Variants in GRIK2 observed in about 807,000 individuals in gnomAD.
The protein encoded by GRIK2 is glutamate receptor ionotropic, kainate 2.
Under a neutral mutation model 100.3 loss-of-function variants are expected in GRIK2, and 32 were observed. That is an observed-to-expected ratio of 0.32 (90% CI 0.24 to 0.43). The LOEUF (loss-of-function observed/expected upper bound fraction) is 0.43. Among genes scored for constraint, GRIK2 ranks in the 20% least tolerant of loss-of-function variants. GRIK2 has a pLI of 1.00. For missense variants in GRIK2, 843 were observed against 1,114.9 expected (o/e 0.76, Z 3.47); for synonymous variants, 417 against 389.4 (o/e 1.07, Z -0.83).
At chr6:101,762,674 G>C (rs1358307432) in intron 7 of GRIK2, among the ~76,000 whole-genome samples, 4 of 152,182 alleles carry the variant, frequency 2.6e-5, no homozygotes, top group Admixed American at 2.6e-4. Flanking sequence ...TTTGATAAAT[G>C]ACTCTGTCTA....
intron 14 of GRIK2, among the ~76,000 whole-genome samples, chr6:101,985,045 T>C (rs541818052): frequency 6.6e-6 from 1 of 151,782 alleles, no homozygotes; most frequent in East Asian, 2.0e-4. Context: ...GGAAAACTTA[T>C]TGCTATAAAT....
intron 2 of GRIK2, among the ~76,000 whole-genome samples, chr6:101,486,758 A>T (rs1423507802): frequency 1.3e-5 from 2 of 148,340 alleles, no homozygotes; most frequent in Non-Finnish European, 3.0e-5. Flanking sequence ...TCAACTTGTA[A>T]TACTTGCACG....
rs1775520281 is a variant in GRIK2, at chr6:101,405,002, A to G, written c.115+5610A>G. On this transcript the variant is annotated intron_variant, in intron 2 of 16. Transcript: ENST00000369134. ...GTAATTAAATTGGCTGATTGAAGTC[A>G]CAGCGGTCATGGGGCGATAAAGACC... Among the ~76,000 whole-genome samples the G allele has an allele frequency of 2.0e-5, 3 of 152,310 alleles. No homozygotes were observed. In the South Asian group the frequency reaches 6.2e-4, roughly 32 times the overall value.
chr6:101,758,519 T>C (rs1777280190), intron 7 of GRIK2, among the ~76,000 whole-genome samples: 1 of 152,206 alleles, frequency 6.6e-6, no homozygotes, highest in South Asian at 2.1e-4. Flanking sequence ...TACTCCAATG[T>C]TGAAAGCAAA....
At chr6:101,429,484 A>C (rs1769252228) in intron 2 of GRIK2, among the ~76,000 whole-genome samples, 1 of 152,186 alleles carries the variant, frequency 6.6e-6, no homozygotes, top group Non-Finnish European at 1.5e-5. Context: ...ATCACAGACC[A>C]AGAATTATCT....
chr6:101,966,666 C>T (rs991306096), intron 14 of GRIK2, among the ~76,000 whole-genome samples: 3 of 151,956 alleles, frequency 2.0e-5, no homozygotes, highest in Non-Finnish European at 2.9e-5. Context: ...GGAAGAGGGA[C>T]GAATATTTGA....
At chr6:101,446,491 TTTTTATACACTAAG>T (rs1386082584) in intron 2 of GRIK2, among the ~76,000 whole-genome samples, 1 of 151,892 alleles carries the variant, frequency 6.6e-6, no homozygotes. Context: ...AGTGATAGTT[TTTTTATACACTAAG>T]TTTTATACAC....
intron 2 of GRIK2, among the ~76,000 whole-genome samples, chr6:101,462,159 G>A (rs771790006): frequency 2.6e-5 from 4 of 152,108 alleles, no homozygotes; most frequent in Non-Finnish European, 5.9e-5. Flanking sequence ...AGAATTATTA[G>A]GGCCTAACAC....
chr6:101,608,099 AT>A (rs34909242), intron 2 of GRIK2, among the ~76,000 whole-genome samples: 1 of 151,810 alleles, frequency 6.6e-6, no homozygotes, highest in Non-Finnish European at 1.5e-5. Flanking sequence ...TAATGTAGCA[AT>A]TTTTTTCAAT....
intron 2 of GRIK2, among the ~76,000 whole-genome samples, chr6:101,528,286 A>C (rs749748521): frequency 6.6e-6 from 1 of 152,178 alleles, no homozygotes; most frequent in Non-Finnish European, 1.5e-5. Flanking sequence ...TAGATTTTAG[A>C]AGTTATGTAT....
intron 2 of GRIK2, among the ~76,000 whole-genome samples, chr6:101,460,228 A>G (rs1013842568): frequency 5.3e-5 from 8 of 152,004 alleles, no homozygotes; most frequent in African/African-American, 1.9e-4. Context: ...TCACTCCTCA[A>G]ATCTCTCAAG....
intron 7 of GRIK2, among the ~76,000 whole-genome samples, chr6:101,792,168 C>T (rs1431123575): frequency 6.6e-6 from 1 of 151,222 alleles, no homozygotes; most frequent in African/African-American, 2.4e-5. Flanking sequence ...TCCAATTTGC[C>T]AGTCTGTGTC....
intron 7 of GRIK2, among the ~76,000 whole-genome samples, chr6:101,790,947 T>A (rs1477536038): frequency 6.6e-6 from 1 of 152,176 alleles, no homozygotes; most frequent in African/African-American, 2.4e-5. Context: ...AGGGTGTATA[T>A]GTCGAGGAAT....
chr6:101,942,155 A>C (rs1040101985), intron 14 of GRIK2, among the ~76,000 whole-genome samples: 1 of 152,100 alleles, frequency 6.6e-6, no homozygotes, highest in Non-Finnish European at 1.5e-5. Flanking sequence ...TTTTTCCTTG[A>C]TGTGATTTGG....
chr6:101,400,131 T>TA (rs1192295272), intron 2 of GRIK2, among the ~76,000 whole-genome samples: 1 of 137,908 alleles, frequency 7.3e-6, no homozygotes, highest in African/African-American at 2.9e-5. Flanking sequence ...TGAAGGATAG[T>TA]ATCTGGGGCG....
chr6:101,776,147 T>A (rs1450659003), intron 7 of GRIK2, among the ~76,000 whole-genome samples: 1 of 152,152 alleles, frequency 6.6e-6, no homozygotes, highest in Non-Finnish European at 1.5e-5. Context: ...TGAGATTTAA[T>A]GTACATGAGA....
intron 7 of GRIK2, among the ~76,000 whole-genome samples, chr6:101,789,570 T>G (rs1214515995): frequency 9.9e-5 from 15 of 152,188 alleles, no homozygotes; most frequent in Non-Finnish European, 1.8e-4. Context: ...TCTGTATCTC[T>G]GTTTTGGTAC....
intron 14 of GRIK2, among the ~76,000 whole-genome samples, chr6:101,967,490 C>A (rs1287142432): frequency 6.6e-6 from 1 of 152,074 alleles, no homozygotes; most frequent in African/African-American, 2.4e-5. Context: ...AGAGATGCCA[C>A]AATTTAATGT....
intron 7 of GRIK2, among the ~76,000 whole-genome samples, chr6:101,729,683 G>A (rs1019616612): frequency 2.0e-5 from 3 of 149,016 alleles, no homozygotes; most frequent in Admixed American, 1.3e-4. Context: ...ATAAGACCGT[G>A]GTGTGGGAAG....
Sources: allele counts gnomAD v4.1 joint callset (sites outside exome capture counted in the v4.1 genomes callset), GRCh38; gene constraint gnomAD v4.1.1; transcripts MANE v1.5; gene names NCBI Gene and HGNC (gene_info 2026-07-23, HGNC 2026-07-21).